Variants in NAV3 observed in about 807,000 individuals in gnomAD.
NAV3 encodes the protein pore membrane and/or filament interacting like protein 1.
NAV3 carries 87 observed loss-of-function variants against 244.7 expected under a neutral mutation model. The observed-to-expected ratio is 0.36, with a 90% confidence interval of 0.30 to 0.42. The LOEUF (loss-of-function observed/expected upper bound fraction) is 0.42. Ranked by LOEUF, NAV3 falls within the 20% of genes least tolerant of loss-of-function variation. The probability of loss-of-function intolerance (pLI) is 1.00; values close to 1 mark genes in which losing one functional copy is unlikely to be tolerated. For synonymous variants in NAV3, 1,126 were observed against 1,042.2 expected, an observed-to-expected ratio of 1.08 and a Z score of -1.55; for missense variants, 2,663 against 2,893.3, an observed-to-expected ratio of 0.92 and a Z score of 1.83.
intron 1 of NAV3, among the ~76,000 whole-genome samples, chr12:77,885,693 A>G (rs1883199628): frequency 6.6e-6 from 1 of 152,074 alleles, no homozygotes; most frequent in Non-Finnish European, 1.5e-5. Context: ...GTAGTTAATG[A>G]TCTGTTAAGA....
At chr12:77,603,360 A>G (rs1176085601) in intron 2 of NAV3, among the ~76,000 whole-genome samples, 2 of 152,100 alleles carry the variant, frequency 1.3e-5, no homozygotes, top group East Asian at 1.9e-4. Context: ...ATACACTGGT[A>G]TAAGTAGGAG....
chr12:78,172,100 G>C (rs913526431), intron 24 of NAV3, among the ~76,000 whole-genome samples: 1 of 151,542 alleles, frequency 6.6e-6, no homozygotes, highest in African/African-American at 2.4e-5. Flanking sequence ...AATAATGTTT[G>C]TGATAAGAAA....
intron 2 of NAV3, among the ~76,000 whole-genome samples, chr12:77,578,989 T>C (rs1010090827): frequency 1.1e-4 from 17 of 152,180 alleles, no homozygotes; most frequent in African/African-American, 3.9e-4. Context: ...GGCAAAATTT[T>C]TCTATTCATT....
At chr12:77,672,686 G>T (rs1874036044) in intron 2 of NAV3, among the ~76,000 whole-genome samples, 1 of 151,980 alleles carries the variant, frequency 6.6e-6, no homozygotes, top group Non-Finnish European at 1.5e-5. Flanking sequence ...CAGGGGAAAG[G>T]GTGGGAGTGG....
At chr12:78,053,543 G>A (rs1265342391) in intron 11 of NAV3, among the ~76,000 whole-genome samples, 1 of 152,020 alleles carries the variant, frequency 6.6e-6, no homozygotes, top group Non-Finnish European at 1.5e-5. Context: ...TATAACTAAG[G>A]CCGGAATGAA....
Position 77,987,429 on chromosome 12 carries a change from A to G in NAV3, c.672-7374A>G, listed in dbSNP as rs147768532. Among the ~76,000 whole-genome samples the G allele has an allele frequency of 2.0e-3, 309 of 152,312 alleles. 1 individual carries two copies. The highest frequency in any genetic ancestry group is 3.4e-3 in the Non-Finnish European group (233 of 68,024). ...TAACCTTTGCAGGACTGTTGTGAGG[A>G]TTGAGTAAGATAAATTGCTGCCAGT... On this transcript the variant is annotated intron_variant, in intron 5 of 39. Coordinates refer to ENST00000397909, the MANE Select transcript of NAV3 (RefSeq NM_001024383.2).
chr12:77,668,376 T>A (rs1372019237), intron 2 of NAV3, among the ~76,000 whole-genome samples: 3 of 151,966 alleles, frequency 2.0e-5, no homozygotes, highest in East Asian at 3.9e-4. Context: ...TTAAAAAAAA[T>A]TAAAAACATA....
chr12:78,092,488 TTTC>T (rs1953999273), intron 12 of NAV3, among the ~76,000 whole-genome samples: 1 of 147,354 alleles, frequency 6.8e-6, no homozygotes, highest in Admixed American at 6.9e-5. Context: ...CGTTAGTTAT[TTTC>T]TTTTTTTTTT....
At chr12:77,921,753 TA>T (rs1296460525) in intron 1 of NAV3, among the ~76,000 whole-genome samples, 1 of 152,142 alleles carries the variant, frequency 6.6e-6, no homozygotes, top group East Asian at 1.9e-4. Context: ...TTTCTCTTTT[TA>T]TTTTTTATAC....
chr12:77,971,493 C>T (rs1367332483), intron 5 of NAV3, among the ~76,000 whole-genome samples: 1 of 151,912 alleles, frequency 6.6e-6, no homozygotes, highest in African/African-American at 2.4e-5. Flanking sequence ...TTTAGTGTAT[C>T]ACATTAATAT....
At chr12:78,015,249 C>G (rs1426810593) in intron 8 of NAV3, among the ~76,000 whole-genome samples, 1 of 152,064 alleles carries the variant, frequency 6.6e-6, no homozygotes, top group African/African-American at 2.4e-5. Flanking sequence ...ACACTTCTCC[C>G]AGAGCACTCA....
intron 1 of NAV3, among the ~76,000 whole-genome samples, chr12:77,905,984 T>C (rs1885926191): frequency 6.6e-6 from 1 of 152,150 alleles, no homozygotes; most frequent in Non-Finnish European, 1.5e-5. Context: ...TTGCTCCCTC[T>C]GGTCACTTCT....
At chr12:77,626,220 A>G (rs752232018) in intron 2 of NAV3, among the ~76,000 whole-genome samples, 58 of 151,960 alleles carry the variant, frequency 3.8e-4, no homozygotes, top group Non-Finnish European at 7.4e-4. Flanking sequence ...GAACTTGAAG[A>G]CAGGTGTTTT....
intron 2 of NAV3, among the ~76,000 whole-genome samples, chr12:77,616,727 C>CGT (rs1871157082): frequency 7.2e-6 from 1 of 139,498 alleles, no homozygotes; most frequent in African/African-American, 3.0e-5. Flanking sequence ...TACACACAGG[C>CGT]GCGCACACAC....
At chr12:78,165,127 G>A (rs542568592) in intron 23 of NAV3, among the ~76,000 whole-genome samples, 19 of 152,136 alleles carry the variant, frequency 1.2e-4, no homozygotes, top group South Asian at 4.1e-4. Flanking sequence ...AGAAACTTTC[G>A]TGGAAAACTA....
At chr12:78,033,396 G>C (rs990541621) in intron 9 of NAV3, among the ~76,000 whole-genome samples, 11 of 152,034 alleles carry the variant, frequency 7.2e-5, no homozygotes, top group African/African-American at 2.4e-4. Flanking sequence ...ACTTATTTTA[G>C]GTCTTGGCGT....
intron 1 of NAV3, among the ~76,000 whole-genome samples, chr12:77,852,743 A>G (rs1018329218): frequency 5.9e-5 from 9 of 152,218 alleles, no homozygotes; most frequent in Admixed American, 4.6e-4. Context: ...ACATTTTTCC[A>G]GCTAGTAGAG....
chr12:77,756,526 A>G (rs1869187168), intron 2 of NAV3, among the ~76,000 whole-genome samples: 1 of 152,198 alleles, frequency 6.6e-6, no homozygotes, highest in Admixed American at 6.5e-5. Flanking sequence ...TCAGTAAGAC[A>G]TGCTCCTTTA....
At chr12:77,832,270 C>CTT (rs1401632547) in intron 1 of NAV3, among the ~76,000 whole-genome samples, 1 of 152,156 alleles carries the variant, frequency 6.6e-6, no homozygotes, top group Admixed American at 6.6e-5. Flanking sequence ...AAACGCTACT[C>CTT]TTTTACTTAT....
Sources: allele counts gnomAD v4.1 joint callset (sites outside exome capture counted in the v4.1 genomes callset), GRCh38; gene constraint gnomAD v4.1.1; transcripts MANE v1.5; gene names NCBI Gene and HGNC (gene_info 2026-07-23, HGNC 2026-07-21).